Variants in VAMP8 observed in about 807,000 individuals in gnomAD.
VAMP8 encodes the protein vesicle-associated membrane protein 8.
Under a neutral mutation model 11.4 loss-of-function variants are expected in VAMP8, and 9 were observed. That is an observed-to-expected ratio of 0.79 (90% CI 0.48 to 1.38). The LOEUF is 1.38. Among genes scored for constraint, VAMP8 ranks in the 40% most tolerant of loss-of-function variants. The pLI is 0.00. For missense variants in VAMP8, 108 were observed against 127.8 expected, an observed-to-expected ratio of 0.85 and a Z score of 0.75; for synonymous variants, 42 against 44.7, an observed-to-expected ratio of 0.94 and a Z score of 0.24.
Position 85,581,668 on chromosome 2 carries a change from TA to T in VAMP8, c.256del (p.Ile86SerfsTer17). 6.2e-7 allele frequency: 1 copy of T among 1,614,210 alleles called. No individual in the cohort carries two copies. The highest frequency in any genetic ancestry group is 8.5e-7 in the Non-Finnish European group (1 of 1,180,044). Reference protein sequence around the residue: ...MIVLICVIVFIIILFIVLFAT... With the variant: ...MIVLICVIVFXIILFIVLFAT... ...TTGTCCTTATCTGCGTGATTGTTTT[TA>T]TCATCATCCTCTTCATTGTGCTCTT... On this transcript the variant is annotated frameshift_variant, in exon 3 of 3. Transcript: ENST00000263864. LOFTEE classifies it high-confidence loss of function.
At chr2:85,581,028 T>C (rs1208657942) in intron 2 of VAMP8, among the ~76,000 whole-genome samples, 1 of 152,080 alleles carries the variant, frequency 6.6e-6, no homozygotes, top group Non-Finnish European at 1.5e-5. Context: ...TTAAGATGTA[T>C]GGCTTGAGCT....
chr2:85,581,056 C>T (rs969785495), intron 2 of VAMP8, among the ~76,000 whole-genome samples: 5 of 152,104 alleles, frequency 3.3e-5, no homozygotes, highest in African/African-American at 9.7e-5. Context: ...GTGGCATGTG[C>T]CTGTAGTCCC....
intron 2 of VAMP8, among the ~76,000 whole-genome samples, chr2:85,581,374 G>C (rs924780636): frequency 6.6e-6 from 1 of 152,018 alleles, no homozygotes; most frequent in South Asian, 2.1e-4. Context: ...CAGCTACTCA[G>C]TAGGCTGAGG....
chr2:85,578,597 C>G (rs1047659662), intron 1 of VAMP8, among the ~76,000 whole-genome samples: 1 of 152,112 alleles, frequency 6.6e-6, no homozygotes, highest in Non-Finnish European at 1.5e-5. Context: ...AACCAGGGTC[C>G]CAAGAAATCA....
In VAMP8 at chr2:85,581,851, T is replaced by C. The variant is rs1672384626; in HGVS notation, c.*135T>C. 2 of 1,260,600 alleles carry C rather than the reference T, an allele frequency of 1.6e-6. No homozygotes were observed. The highest frequency in any genetic ancestry group is 1.5e-5 in the African/African-American group (1 of 66,700). 78.1% of individuals were successfully genotyped at this position (1,260,600 alleles called of 1,614,324 possible). ...CCTCCTACCCCTCTTCCCGAGGCCCTGCTGCCATGTTGTATGCCCCAGAAG... is the reference window on the plus strand; with the variant it reads ...CCTCCTACCCCTCTTCCCGAGGCCCCGCTGCCATGTTGTATGCCCCAGAAG... On this transcript the variant is annotated 3_prime_UTR_variant, in exon 3 of 3. Transcript: ENST00000263864.
chr2:85,579,392 C>T (rs1410147910), intron 2 of VAMP8, among the ~76,000 whole-genome samples: 1 of 152,184 alleles, frequency 6.6e-6, no homozygotes, highest in Non-Finnish European at 1.5e-5. Context: ...GAGGTGGCAG[C>T]TCGCCCATAG....
chr2:85,581,724 G>A lies in VAMP8; in HGVS notation c.*8G>A. The A allele has an allele frequency of 1.2e-6, 2 of 1,614,072 alleles. No homozygotes were observed. Among genetic ancestry groups the A allele is most frequent in the Admixed American group, 1.7e-5 (1 of 60,010 alleles). The stretch of plus-strand genomic sequence containing the variant: ...ACTGGTGCCTTCTCTTAAGTAACAG[G>A]GAACCTCTCCCACCTGCCCTTCTCT... On this transcript the variant is annotated 3_prime_UTR_variant, in exon 3 of 3. Transcript: ENST00000263864.
intron 2 of VAMP8, among the ~76,000 whole-genome samples, chr2:85,580,252 A>C (rs1573346103): frequency 6.6e-6 from 1 of 152,230 alleles, no homozygotes; most frequent in East Asian, 1.9e-4. Context: ...ATGTCTGGAC[A>C]AGCCCCAGGA....
chr2:85,581,604 A>G lies in VAMP8; in HGVS notation c.191A>G (p.Lys64Arg). Residue 64 changes from lysine to arginine, a missense_variant, in exon 3 of 3, where the codon AAG (lysine) becomes AGG (arginine). Lys to Arg is a conservative substitution (Grantham distance 26, BLOSUM62 2). Coordinates refer to ENST00000263864, the MANE Select transcript of VAMP8 (RefSeq NM_003761.5). The stretch of plus-strand genomic sequence containing the variant: ...GAGCACTTCAAGACGACATCGCAGA[A>G]GGTGGCTCGAAAATTCTGGTGGAAG... ...TSEHFKTTSQKVARKFWWKNV... is the reference protein window; with the variant it reads ...TSEHFKTTSQRVARKFWWKNV... 1 of 1,614,216 alleles carries G rather than the reference A, an allele frequency of 6.2e-7. No individual in the cohort carries two copies. Among genetic ancestry groups the G allele is most frequent in the East Asian group, 2.2e-5 (1 of 44,888 alleles).
At chr2:85,579,274 C>G (rs1334218785) in intron 2 of VAMP8, 107 bp downstream of exon 2, 16 of 1,302,096 alleles carry the variant, frequency 1.2e-5, no homozygotes, top group Non-Finnish European at 1.7e-5. Context: ...ATTTCTGTTG[C>G]CTTTCACCTG....
chr2:85,581,655 G>A lies in VAMP8; in HGVS notation c.242G>A (p.Cys81Tyr), dbSNP rs763089210. Residue 81 changes from cysteine to tyrosine, a missense_variant, in exon 3 of 3, where the codon TGC (cysteine) becomes TAC (tyrosine). Physicochemically the swap from Cys to Tyr is radical, Grantham distance 194. Transcript: ENST00000263864. Reference protein sequence around the residue: ...WKNVKMIVLICVIVFIIILFI... With the variant: ...WKNVKMIVLIYVIVFIIILFI... ...AACGTGAAGATGATTGTCCTTATCTGCGTGATTGTTTTTATCATCATCCTC... is the reference window on the plus strand; with the variant it reads ...AACGTGAAGATGATTGTCCTTATCTACGTGATTGTTTTTATCATCATCCTC... 3 of 1,614,166 alleles carry A rather than the reference G, an allele frequency of 1.9e-6. No homozygotes were observed. Among genetic ancestry groups the A allele is most frequent in the Non-Finnish European group, 1.7e-6 (2 of 1,180,038 alleles).
At chr2:85,579,643 GAGC>G in intron 2 of VAMP8, 2 of 1,472,966 alleles carry the variant, frequency 1.4e-6, no homozygotes, top group East Asian at 5.0e-5. Flanking sequence ...AAGGGGGAAA[GAGC>G]AGTGAAATGC....
At chr2:85,581,178 C>G (rs2104032927) in intron 2 of VAMP8, among the ~76,000 whole-genome samples, 1 of 151,242 alleles carries the variant, frequency 6.6e-6, no homozygotes, top group Admixed American at 6.6e-5. Context: ...CAGACACTGT[C>G]TCAAAAAACA....
chr2:85,579,854 G>A, intron 2 of VAMP8: 1 of 1,550,610 alleles, frequency 6.4e-7, no homozygotes, highest in Non-Finnish European at 8.7e-7. Context: ...TCTGAGTCCT[G>A]TGTGAACTCT....
chr2:85,579,304 C>A, intron 2 of VAMP8, 137 bp downstream of exon 2: 1 of 982,780 alleles, frequency 1.0e-6, no homozygotes. Flanking sequence ...CTGATGTGAG[C>A]TGAGTCTCCA....
intron 2 of VAMP8, 106 bp downstream of exon 2, chr2:85,579,273 G>C: frequency 7.6e-7 from 1 of 1,307,852 alleles, no homozygotes; most frequent in Non-Finnish European, 1.0e-6. Context: ...CATTTCTGTT[G>C]CCTTTCACCT....
At chr2:85,578,878 C>G in intron 1 of VAMP8, 131 bp from the exon 2 acceptor site, 4 of 957,674 alleles carry the variant, frequency 4.2e-6, no homozygotes, top group Non-Finnish European at 6.2e-6. Flanking sequence ...TGAAAACATT[C>G]TCTTTGTAAA....
Position 85,579,012 on chromosome 2 carries a change from G to A in VAMP8, c.7G>A (p.Glu3Lys). The A allele has an allele frequency of 6.2e-7, 1 of 1,602,850 alleles. No homozygotes were observed. The highest frequency in any genetic ancestry group is 1.1e-5 in the South Asian group (1 of 89,180). ...TTAACCCCGTGTTGCCGCACAGGAG[G>A]AAGCCAGTGAAGGTGGAGGAAATGA... ME[E>K]ASEGGGNDRV... is the part of the protein sequence containing the mutation. Residue 3 changes from glutamate (E) to lysine (K), a missense_variant, in exon 2 of 3, where the codon GAA becomes AAA. Transcript: ENST00000263864.
chr2:85,580,042 C>T (rs886730953), intron 2 of VAMP8, among the ~76,000 whole-genome samples: 3 of 152,040 alleles, frequency 2.0e-5, no homozygotes, highest in Non-Finnish European at 2.9e-5. Context: ...AACTTCACCT[C>T]CTGGGTTCAA....
Sources: allele counts gnomAD v4.1 joint callset (sites outside exome capture counted in the v4.1 genomes callset), GRCh38; gene constraint gnomAD v4.1.1; transcripts MANE v1.5; gene names NCBI Gene and HGNC (gene_info 2026-07-23, HGNC 2026-07-21).